The following EPHA3 variants were observed in gnomAD, a reference collection of about 807,000 sequenced individuals.
The protein encoded by EPHA3 is ephrin type-A receptor 3.
EPHA3 carries 42 observed loss-of-function variants against 107.1 expected under a neutral mutation model. The observed-to-expected ratio is 0.39, with a 90% confidence interval of 0.31 to 0.51. The LOEUF (loss-of-function observed/expected upper bound fraction) is 0.51, where lower values mean the gene tolerates loss of function less well. EPHA3 is among the 20% of genes least tolerant of loss of function. EPHA3 has a pLI of 0.78. For missense variants in EPHA3, 1,183 were observed against 1,211.2 expected (o/e 0.98, Z 0.35); for synonymous variants, 461 against 424.8 (o/e 1.09, Z -1.05).
chr3:89,350,196 A>G (rs1179066959), intron 5 of EPHA3, among the ~76,000 whole-genome samples: 1 of 136,264 alleles, frequency 7.3e-6, no homozygotes, highest in African/African-American at 2.7e-5. Flanking sequence ...CTCCTGGATA[A>G]TATCCTGCAG....
chr3:89,149,572 G>C lies in EPHA3; in HGVS notation c.153+22299G>C, dbSNP rs566537723. Among the ~76,000 whole-genome samples, 289 of 151,786 alleles carry C rather than the reference G, an allele frequency of 1.9e-3. 1 individual carries two copies. The highest frequency in any genetic ancestry group is 6.4e-3 in the African/African-American group (265 of 41,410). ...CATATGTATACATGTGCCATGTTGTGTGCTGCACCCATTAACTCATCATTT... is the reference window on the plus strand; with the variant it reads ...CATATGTATACATGTGCCATGTTGTCTGCTGCACCCATTAACTCATCATTT... On this transcript the variant is annotated intron_variant, in intron 2 of 16. Transcript: ENST00000336596.
intron 3 of EPHA3, among the ~76,000 whole-genome samples, chr3:89,244,570 TA>T (rs1448525360): frequency 1.3e-5 from 2 of 152,174 alleles, no homozygotes; most frequent in African/African-American, 4.8e-5. Context: ...ATGAATTTAG[TA>T]ATTATAAACT....
intron 9 of EPHA3, among the ~76,000 whole-genome samples, chr3:89,412,915 C>T (rs1709181698): frequency 6.6e-6 from 1 of 151,634 alleles, no homozygotes; most frequent in African/African-American, 2.4e-5. Context: ...AAAGAAAGCT[C>T]CTCATTGTGG....
Position 89,260,805 on chromosome 3 carries a change from A to G in EPHA3, c.814+50285A>G, listed in dbSNP as rs145870641. Among the ~76,000 whole-genome samples, 563 of 152,316 alleles carry G rather than the reference A, an allele frequency of 3.7e-3. 8 individuals carry two copies. The highest frequency in any genetic ancestry group is 0.013 in the African/African-American group (525 of 41,564). ...TTGCCTTTTGTTTTGCACACAGTCA[A>G]AATCACCCTCTGTGCTGACTTCCAC... is the stretch of plus-strand genomic sequence containing the variant. On this transcript the variant is annotated intron_variant, in intron 3 of 16. Coordinates refer to ENST00000336596, the MANE Select transcript of EPHA3 (RefSeq NM_005233.6).
chr3:89,230,951 C>A (rs1472919049), intron 3 of EPHA3, among the ~76,000 whole-genome samples: 1 of 151,880 alleles, frequency 6.6e-6, no homozygotes, highest in East Asian at 1.9e-4. Flanking sequence ...TTGGCTTTCT[C>A]CATGGCTAAG....
intron 2 of EPHA3, among the ~76,000 whole-genome samples, chr3:89,170,939 C>CTT (rs1705197584): frequency 5.1e-5 from 3 of 59,212 alleles, no homozygotes; most frequent in Non-Finnish European, 8.0e-5. Context: ...TCTTTAAAAC[C>CTT]ATTTTTTTTT....
At chr3:89,310,297 G>GA in intron 3 of EPHA3, among the ~76,000 whole-genome samples, 1 of 151,912 alleles carries the variant, frequency 6.6e-6, no homozygotes, top group Non-Finnish European at 1.5e-5. Context: ...TAGCTTTAAA[G>GA]GAAAAATAGA....
chr3:89,460,859 G>A lies in EPHA3; in HGVS notation c.2690+10489G>A, dbSNP rs1174750874. Reference sequence around the variant, plus strand: ...TTTTTATTATACTCTAAGTTTTAGGGTACATGTGCACATTGTGCAGGTTAG... The same window carrying A: ...TTTTTATTATACTCTAAGTTTTAGGATACATGTGCACATTGTGCAGGTTAG... On this transcript the variant is annotated intron_variant, in intron 15 of 16. Transcript: ENST00000336596. Among the ~76,000 whole-genome samples the A allele has an allele frequency of 4.8e-5, 6 of 125,558 alleles. 1 individual carries two copies. In the South Asian group the frequency reaches 1.2e-3, roughly 25 times the overall value. 82.4% of individuals were successfully genotyped at this position (125,558 alleles called of 152,430 possible).
intron 2 of EPHA3, among the ~76,000 whole-genome samples, chr3:89,138,727 G>A (rs1265693286): frequency 6.6e-6 from 1 of 151,786 alleles, no homozygotes; most frequent in Non-Finnish European, 1.5e-5. Flanking sequence ...TTATTCTTTG[G>A]TTATATATCT....
chr3:89,217,977 G>A (rs1161586015), intron 3 of EPHA3, among the ~76,000 whole-genome samples: 1 of 152,036 alleles, frequency 6.6e-6, no homozygotes, highest in African/African-American at 2.4e-5. Context: ...CAGAGATTTA[G>A]ATTCATTTAC....
At chr3:89,291,718 A>T (rs1706209968) in intron 3 of EPHA3, among the ~76,000 whole-genome samples, 1 of 152,158 alleles carries the variant, frequency 6.6e-6, no homozygotes, top group Non-Finnish European at 1.5e-5. Flanking sequence ...ATTGTGTGTA[A>T]GGATCATTTG....
At chr3:89,242,523 C>T (rs557147257) in intron 3 of EPHA3, among the ~76,000 whole-genome samples, 3 of 152,190 alleles carry the variant, frequency 2.0e-5, no homozygotes, top group Non-Finnish European at 4.4e-5. Flanking sequence ...CTGCAAGCTC[C>T]GCCTCCCGGG....
At chr3:89,360,261 A>G (rs779805009) in intron 5 of EPHA3, among the ~76,000 whole-genome samples, 5 of 150,852 alleles carry the variant, frequency 3.3e-5, no homozygotes, top group South Asian at 2.1e-4. Flanking sequence ...GTTTGCTCCT[A>G]TAAATAGAAA....
At chr3:89,116,008 A>G (rs1707245448) in intron 1 of EPHA3, among the ~76,000 whole-genome samples, 2 of 152,140 alleles carry the variant, frequency 1.3e-5, no homozygotes, top group Non-Finnish European at 2.9e-5. Context: ...AACCATATAA[A>G]TGAGGGTACT....
At chr3:89,299,747 C>T (rs933776474) in intron 3 of EPHA3, among the ~76,000 whole-genome samples, 8 of 151,884 alleles carry the variant, frequency 5.3e-5, no homozygotes, top group South Asian at 2.1e-4. Context: ...ATTACTAAAA[C>T]GTTATAGGCA....
chr3:89,191,389 C>A (rs529593739), intron 2 of EPHA3, among the ~76,000 whole-genome samples: 1 of 152,120 alleles, frequency 6.6e-6, no homozygotes, highest in South Asian at 2.1e-4. Context: ...TCACTGCAAG[C>A]TCCGCTTCCT....
intron 2 of EPHA3, among the ~76,000 whole-genome samples, chr3:89,136,165 C>A (rs1335672225): frequency 1.3e-5 from 2 of 151,838 alleles, no homozygotes. Context: ...GCTGAATAGT[C>A]AATCCAGGAA....
chr3:89,272,827 C>A (rs1705706980), intron 3 of EPHA3, among the ~76,000 whole-genome samples: 1 of 151,838 alleles, frequency 6.6e-6, no homozygotes, highest in Non-Finnish European at 1.5e-5. Flanking sequence ...TTATTTTTTA[C>A]AACTTGATGA....
At chr3:89,401,452 G>A (rs181436805) in intron 7 of EPHA3, among the ~76,000 whole-genome samples, 1 of 152,186 alleles carries the variant, frequency 6.6e-6, no homozygotes, top group Non-Finnish European at 1.5e-5. Context: ...AATAATGCAA[G>A]TGCCAACAAG....
Sources: allele counts gnomAD v4.1 joint callset (sites outside exome capture counted in the v4.1 genomes callset), GRCh38; gene constraint gnomAD v4.1.1; transcripts MANE v1.5; gene names NCBI Gene and HGNC (gene_info 2026-07-23, HGNC 2026-07-21).